Variants in PIK3C2G observed in about 807,000 individuals in gnomAD.
PIK3C2G encodes the protein phosphatidylinositol-4-phosphate 3-kinase catalytic subunit type 2 gamma.
A neutral mutation model predicts 181.1 loss-of-function variants in PIK3C2G; 168 were observed. The observed-to-expected ratio is 0.93, with a 90% CI of 0.82 to 1.05. The LOEUF (loss-of-function observed/expected upper bound fraction) is 1.05. Among genes scored for constraint, PIK3C2G ranks in the 50% least tolerant of loss-of-function variants. The pLI is 0.00. For missense variants in PIK3C2G, 1,869 were observed against 1,732.8 expected, an observed-to-expected ratio of 1.08 and a Z score of -1.40; for synonymous variants, 573 against 592.2, an observed-to-expected ratio of 0.97 and a Z score of 0.47.
intron 11 of PIK3C2G, among the ~76,000 whole-genome samples, chr12:18,352,263 A>G (rs2137708904): frequency 6.6e-6 from 1 of 152,350 alleles, no homozygotes; most frequent in Non-Finnish European, 1.5e-5. Context: ...TGTTTACCAC[A>G]GCAGAAGTGA....
At position 18,338,465 on chromosome 12, in the gene PIK3C2G, T is replaced by C. The variant is rs1938764767; in HGVS notation, c.1312T>C (p.Cys438Arg). 1.0e-5 allele frequency: 16 copies of C among 1,576,432 alleles called. No homozygotes were observed. Among genetic ancestry groups the C allele is most frequent in the Non-Finnish European group, 1.0e-5 (12 of 1,147,598 alleles). ...TATTATTGAAGAAGTTAAAAAAATA[T>C]GCAGTGTTCTAGGGTGTGTGGAAAC... is the stretch of plus-strand genomic sequence containing the variant. ...YNIIEEVKKI[C>R]SVLGCVETKQ... Residue 438 changes from cysteine (C) to arginine (R), a missense_variant, in exon 9 of 33, where the codon TGC becomes CGC. By Grantham distance (180) the Cys-to-Arg change is radical. Transcript: ENST00000538779.
At chr12:18,482,427 G>A (rs1463879408) in intron 18 of PIK3C2G, among the ~76,000 whole-genome samples, 1 of 152,048 alleles carries the variant, frequency 6.6e-6, no homozygotes, top group Non-Finnish European at 1.5e-5. Context: ...GTTACCATGG[G>A]TGAGTTCTTT....
At chr12:18,315,286 G>T (rs948740703) in intron 6 of PIK3C2G, among the ~76,000 whole-genome samples, 1 of 152,010 alleles carries the variant, frequency 6.6e-6, no homozygotes, top group African/African-American at 2.4e-5. Flanking sequence ...CTTAGCTGCT[G>T]TTGACAGCTC....
intron 5 of PIK3C2G, among the ~76,000 whole-genome samples, chr12:18,311,953 C>T (rs536720472): frequency 5.8e-4 from 88 of 152,266 alleles, no homozygotes; most frequent in African/African-American, 2.0e-3. Context: ...AGCTGAAGAA[C>T]TTGGAATCTG....
intron 11 of PIK3C2G, among the ~76,000 whole-genome samples, chr12:18,360,821 T>A (rs1321422895): frequency 1.3e-5 from 2 of 152,182 alleles, no homozygotes; most frequent in Non-Finnish European, 2.9e-5. Context: ...CTTTTTATGA[T>A]TTGATTCTAA....
At chr12:18,615,375 G>A (rs7979856) in intron 31 of PIK3C2G, among the ~76,000 whole-genome samples, 8,132 of 89,510 alleles carry the variant, frequency 0.091, 593 homozygotes, top group African/African-American at 0.2. Flanking sequence ...GTGTGTATGT[G>A]TATATATATA....
Position 18,446,450 on chromosome 12 carries a change from C to T in PIK3C2G, c.2504+22411C>T, listed in dbSNP as rs376298096. Among the ~76,000 whole-genome samples the T allele has an allele frequency of 2.3e-3, 355 of 152,278 alleles. 1 individual carries two copies. Among genetic ancestry groups the T allele is most frequent in the African/African-American group, 8.2e-3 (339 of 41,560 alleles). ...CATTTGGCTGTGTCTTCACTGTTCC[C>T]TTCATGGCCGCTGACTCATTCCTGA... On this transcript the variant is annotated intron_variant, in intron 18 of 32. Transcript: ENST00000538779.
intron 18 of PIK3C2G, among the ~76,000 whole-genome samples, chr12:18,453,175 A>G (rs1414208965): frequency 6.6e-6 from 1 of 151,892 alleles, no homozygotes; most frequent in African/African-American, 2.4e-5. Flanking sequence ...AAAGTCTCCC[A>G]CTATTAGAGT....
the PIK3C2G span, among the ~76,000 whole-genome samples, chr12:18,722,664 T>C: frequency 3.9e-5 from 6 of 152,190 alleles, no homozygotes; most frequent in African/African-American, 1.4e-4. Context: ...AATGAAAAAC[T>C]GTGAAGTGTT....
intron 18 of PIK3C2G, among the ~76,000 whole-genome samples, chr12:18,466,746 CACTTT>C (rs890094385): frequency 6.6e-6 from 1 of 151,806 alleles, no homozygotes; most frequent in African/African-American, 2.4e-5. Context: ...AATAGCAAAC[CACTTT>C]ACTTTAGCAC....
intron 18 of PIK3C2G, among the ~76,000 whole-genome samples, chr12:18,434,238 AT>A (rs1420588600): frequency 6.6e-6 from 1 of 152,182 alleles, no homozygotes; most frequent in Non-Finnish European, 1.5e-5. Context: ...TTATAAGGGC[AT>A]GAACCCATTC....
chr12:18,657,491 G>A, the PIK3C2G span, among the ~76,000 whole-genome samples: 1 of 152,116 alleles, frequency 6.6e-6, no homozygotes, highest in Non-Finnish European at 1.5e-5. Flanking sequence ...CATTCACATA[G>A]AGCCCATATG....
chr12:18,575,670 A>G (rs1482762934), intron 29 of PIK3C2G, among the ~76,000 whole-genome samples: 1 of 152,200 alleles, frequency 6.6e-6, no homozygotes, highest in East Asian at 1.9e-4. Flanking sequence ...ATGGTATGGC[A>G]TTTAAGATGA....
chr12:18,598,368 T>A (rs866313622), intron 30 of PIK3C2G, among the ~76,000 whole-genome samples: 2 of 151,632 alleles, frequency 1.3e-5, no homozygotes, highest in African/African-American at 4.9e-5. Flanking sequence ...ATCTGATCTT[T>A]GACAAACCTG....
the PIK3C2G span, among the ~76,000 whole-genome samples, chr12:18,666,675 A>C: frequency 6.6e-6 from 1 of 152,282 alleles, no homozygotes; most frequent in East Asian, 1.9e-4. Context: ...AGACAGAGAA[A>C]TAGAATACTT....
intron 31 of PIK3C2G, among the ~76,000 whole-genome samples, chr12:18,631,317 C>T (rs907864238): frequency 2.0e-5 from 3 of 152,108 alleles, no homozygotes; most frequent in Non-Finnish European, 4.4e-5. Flanking sequence ...AATGCACTCC[C>T]GACTTCAACT....
chr12:18,329,535 T>C lies in PIK3C2G; in HGVS notation c.1272+4437T>C, dbSNP rs61191497. On this transcript the variant is annotated intron_variant, in intron 8 of 32. Coordinates refer to ENST00000538779, the MANE Select transcript of PIK3C2G (RefSeq NM_001288772.2). Reference sequence around the variant, plus strand: ...ATGAATGGAATCAAACTATATGCACTTTTTGAGCCCTGTATCTTTCACTCA... The same window carrying C: ...ATGAATGGAATCAAACTATATGCACCTTTTGAGCCCTGTATCTTTCACTCA... Among the ~76,000 whole-genome samples, 577 of 152,170 alleles carry C rather than the reference T, an allele frequency of 3.8e-3. 1 individual carries two copies. Among genetic ancestry groups the C allele is most frequent in the African/African-American group, 0.013 (548 of 41,566 alleles).
chr12:18,470,211 G>A (rs1938325926), intron 18 of PIK3C2G, among the ~76,000 whole-genome samples: 1 of 152,046 alleles, frequency 6.6e-6, no homozygotes. Flanking sequence ...AAGCAGTTAA[G>A]ATTATAACTG....
chr12:18,376,865 C>A (rs1291507614), intron 13 of PIK3C2G, among the ~76,000 whole-genome samples: 1 of 152,188 alleles, frequency 6.6e-6, no homozygotes, highest in Non-Finnish European at 1.5e-5. Flanking sequence ...TGCCTTCCAC[C>A]ATGATTGGAA....
Sources: gnomAD v4.1 joint callset for allele counts (sites outside exome capture counted in the v4.1 genomes callset) on GRCh38, gnomAD v4.1.1 for gene constraint, MANE v1.5 for transcripts, NCBI Gene and HGNC (gene_info 2026-07-23, HGNC 2026-07-21) for gene names.